The following RIT2 variants were observed in gnomAD, a reference collection of about 807,000 sequenced individuals.
RIT2 encodes GTP-binding protein Rit2.
Under a neutral mutation model 23.7 loss-of-function variants are expected in RIT2, and 24 were observed. That is an observed-to-expected ratio of 1.01 (90% CI 0.73 to 1.43). The LOEUF is 1.43. Ranked by LOEUF, RIT2 falls within the 40% of genes most tolerant of loss-of-function variation. RIT2 has a pLI of 0.00. For synonymous variants in RIT2, 107 were observed against 91.1 expected (o/e 1.17, Z -0.99); for missense variants, 236 against 266.9 (o/e 0.88, Z 0.81).
intron 4 of RIT2, among the ~76,000 whole-genome samples, chr18:42,795,883 T>C (rs902833028): frequency 1.3e-5 from 2 of 152,104 alleles, no homozygotes; most frequent in African/African-American, 4.8e-5. Flanking sequence ...AGGACCTTTG[T>C]GTGGACACTC....
At chr18:42,791,505 T>G (rs2143946984) in intron 4 of RIT2, among the ~76,000 whole-genome samples, 1 of 152,340 alleles carries the variant, frequency 6.6e-6, no homozygotes, top group Non-Finnish European at 1.5e-5. Flanking sequence ...CAGTAGCTTG[T>G]TGAGAGCTAC....
chr18:42,951,972 A>T (rs970118103), intron 3 of RIT2, among the ~76,000 whole-genome samples: 5 of 152,178 alleles, frequency 3.3e-5, no homozygotes, highest in African/African-American at 1.2e-4. Context: ...CTTACATAGT[A>T]GCAGGTGAGA....
At chr18:42,794,372 GC>G (rs1914108507) in intron 4 of RIT2, among the ~76,000 whole-genome samples, 1 of 152,104 alleles carries the variant, frequency 6.6e-6, no homozygotes, top group Non-Finnish European at 1.5e-5. Flanking sequence ...TATCAACCTA[GC>G]CCAAATAAAA....
intron 3 of RIT2, among the ~76,000 whole-genome samples, chr18:42,943,652 T>C (rs669204): frequency 0.17 from 26,345 of 152,076 alleles, 2,816 homozygotes; most frequent in East Asian, 0.41. Flanking sequence ...GTTAGAAGTT[T>C]GATAAATTTT....
chr18:43,089,859 G>C (rs964578482), intron 1 of RIT2, among the ~76,000 whole-genome samples: 1 of 151,964 alleles, frequency 6.6e-6, no homozygotes, highest in African/African-American at 2.4e-5. Context: ...CTAAAAATTG[G>C]TCCCCTTCCT....
chr18:42,779,644 G>A (rs975539946), intron 4 of RIT2, among the ~76,000 whole-genome samples: 1 of 152,096 alleles, frequency 6.6e-6, no homozygotes. Flanking sequence ...CAATATAAAT[G>A]TAATTCTCAT....
At chr18:43,106,664 T>C (rs899689075) in intron 1 of RIT2, among the ~76,000 whole-genome samples, 9 of 152,130 alleles carry the variant, frequency 5.9e-5, no homozygotes, top group Non-Finnish European at 8.8e-5. Flanking sequence ...CATGCATACT[T>C]TAGGAAGAAT....
At chr18:42,974,241 CTAAGATAA>C in intron 2 of RIT2, 94 bp from the exon 3 acceptor site, 2 of 768,310 alleles carry the variant, frequency 2.6e-6, no homozygotes, top group South Asian at 1.7e-5. Flanking sequence ...AAGTAAGTTA[CTAAGATAA>C]TTAGAAATAT....
intron 1 of RIT2, among the ~76,000 whole-genome samples, chr18:43,046,783 G>A (rs1211671951): frequency 6.6e-6 from 1 of 152,106 alleles, no homozygotes; most frequent in Non-Finnish European, 1.5e-5. Context: ...ACATACTTTA[G>A]TATATTGAAC....
intron 2 of RIT2, among the ~76,000 whole-genome samples, chr18:43,025,409 G>C (rs1014352516): frequency 3.9e-5 from 6 of 151,942 alleles, no homozygotes; most frequent in African/African-American, 1.2e-4. Context: ...CTACCATTTG[G>C]TTTAGCAATC....
At chr18:42,962,703 G>A (rs1180550337) in intron 3 of RIT2, among the ~76,000 whole-genome samples, 2 of 152,180 alleles carry the variant, frequency 1.3e-5, no homozygotes, top group African/African-American at 4.8e-5. Flanking sequence ...TTAGCTTAGT[G>A]GAGGGACTCC....
At chr18:42,753,283 A>ATAAAT (rs1226624494) in intron 4 of RIT2, among the ~76,000 whole-genome samples, 4 of 152,344 alleles carry the variant, frequency 2.6e-5, no homozygotes, top group South Asian at 2.1e-4. Flanking sequence ...ATAAAATACA[A>ATAAAT]TAAATTAAAT....
rs144977862 is a variant in RIT2 at position 43,006,324 on chromosome 18, AAGAAGAAAG to A, written c.160+27478_160+27486del. On this transcript the variant is annotated intron_variant, in intron 2 of 4. Transcript: ENST00000326695. ...AGAAGAAAGAAGGAAGAAGAAGAAA[AAGAAGAAAG>A]AGGAGGAAGAAGAGGAAGAGGGGAA... is the stretch of plus-strand genomic sequence containing the variant. 5.7e-3 allele frequency among the ~76,000 whole-genome samples: 862 copies of A among 151,718 alleles called. 9 individuals are homozygous for A. The highest frequency in any genetic ancestry group is 0.02 in the African/African-American group (821 of 41,494).
chr18:42,966,769 T>A (rs957822875), intron 3 of RIT2, among the ~76,000 whole-genome samples: 1 of 152,160 alleles, frequency 6.6e-6, no homozygotes, highest in Admixed American at 6.5e-5. Flanking sequence ...TGGGGCATTA[T>A]AAATCTGTGT....
chr18:42,881,717 G>A (rs529975814), intron 4 of RIT2, among the ~76,000 whole-genome samples: 49 of 152,220 alleles, frequency 3.2e-4, no homozygotes, highest in African/African-American at 1.1e-3. Context: ...GGTCATGTTG[G>A]TTATGTGCCC....
rs1287315969 is a variant in RIT2 at position 42,824,777 on chromosome 18, G to GTT, written c.427-81058_427-81057insAA. On this transcript the variant is annotated intron_variant, in intron 4 of 4. Transcript: ENST00000326695. ...TGTGTATGTGTGTGTGTGTGTGTGT[G>GTT]TGTTTGTGTTTAATTATGAGAGAAA... Among the ~76,000 whole-genome samples the GTT allele has an allele frequency of 2.0e-5, 3 of 151,610 alleles. No homozygotes were observed. The East Asian group carries it at 5.8e-4, about 29-fold the overall frequency.
chr18:42,995,372 A>C (rs1910956766), intron 2 of RIT2, among the ~76,000 whole-genome samples: 1 of 152,042 alleles, frequency 6.6e-6, no homozygotes, highest in Admixed American at 6.6e-5. Context: ...TAACTAAAGT[A>C]CCTCTTAGTC....
intron 1 of RIT2, among the ~76,000 whole-genome samples, chr18:43,110,848 A>T (rs1451632233): frequency 6.6e-6 from 1 of 152,164 alleles, no homozygotes; most frequent in Non-Finnish European, 1.5e-5. Context: ...TTTTTAAAAT[A>T]AACTTTATTG....
At chr18:43,090,481 C>G (rs571989882) in intron 1 of RIT2, among the ~76,000 whole-genome samples, 3 of 151,982 alleles carry the variant, frequency 2.0e-5, no homozygotes, top group Non-Finnish European at 4.4e-5. Flanking sequence ...AAGACCTAAA[C>G]ATAAGAACAC....
Sources: gnomAD v4.1 joint callset for allele counts (sites outside exome capture counted in the v4.1 genomes callset) on GRCh38, gnomAD v4.1.1 for gene constraint, MANE v1.5 for transcripts, NCBI Gene and HGNC (gene_info 2026-07-23, HGNC 2026-07-21) for gene names.